DOCK5: variants seen among roughly 807,000 people sequenced by gnomAD.
The protein encoded by DOCK5 is dedicator of cytokinesis 5, also known as dedicator of cytokinesis protein 5.
Under a neutral mutation model 251.8 loss-of-function variants are expected in DOCK5, and 142 were observed. The observed-to-expected ratio is 0.56, with a 90% CI of 0.49 to 0.65. The LOEUF (loss-of-function observed/expected upper bound fraction) is 0.65. Ranked by LOEUF, DOCK5 falls within the 30% of genes least tolerant of loss-of-function variation. The pLI, the probability that DOCK5 is intolerant of heterozygous loss-of-function variation, is 0.00. For synonymous variants in DOCK5, 842 were observed against 835.5 expected, an observed-to-expected ratio of 1.01 and a Z score of -0.13; for missense variants, 2,111 against 2,312.3, an observed-to-expected ratio of 0.91 and a Z score of 1.79.
intron 1 of DOCK5, among the ~76,000 whole-genome samples, chr8:25,197,750 A>ATTTT (rs71214555): frequency 4.1e-4 from 39 of 95,770 alleles, no homozygotes; most frequent in African/African-American, 1.3e-3. Flanking sequence ...TGCCAAGCTA[A>ATTTT]TTTTTTTTTT....
At chr8:25,228,134 C>T (rs1459670800) in intron 1 of DOCK5, among the ~76,000 whole-genome samples, 1 of 152,166 alleles carries the variant, frequency 6.6e-6, no homozygotes, top group Non-Finnish European at 1.5e-5. Context: ...GCCTTGGCCT[C>T]CCAAAGTGCT....
At chr8:25,281,236 G>A (rs935457873) in intron 5 of DOCK5, among the ~76,000 whole-genome samples, 2 of 151,384 alleles carry the variant, frequency 1.3e-5, no homozygotes, top group Admixed American at 6.6e-5. Context: ...AAACCAGCCC[G>A]TCCCAATATG....
chr8:25,392,837 C>G lies in DOCK5; in HGVS notation c.4482C>G (p.Thr1494=). ...GGACCACGTATACGACTGCATATAC[C>G]TTTCCTGGGATTCTCAAGTGGTTTG... is the stretch of plus-strand genomic sequence containing the variant. ...IERTTYTTAY[T]FPGILKWFEV... is the part of the protein sequence containing the mutation. The change falls in exon 44 of 52, where the codon ACC becomes ACG. Residue 1494 remains threonine, a synonymous_variant. Coordinates refer to ENST00000276440, the MANE Select transcript of DOCK5 (RefSeq NM_024940.8). 6.2e-7 allele frequency: 1 copy of G among 1,613,248 alleles called. No individual in the cohort carries two copies. The highest frequency in any genetic ancestry group is 8.5e-7 in the Non-Finnish European group (1 of 1,179,646).
intron 18 of DOCK5, among the ~76,000 whole-genome samples, chr8:25,331,799 TATAGAGAGAGAGAGAGAGAG>T (rs1805688399): frequency 6.1e-5 from 3 of 48,988 alleles, no homozygotes; most frequent in African/African-American, 1.6e-4. Context: ...TATATATATA[TATAGAGAGAGAGAGAGAGAG>T]AGAGAGAGAG....
chr8:25,228,363 G>A (rs895417459), intron 1 of DOCK5, among the ~76,000 whole-genome samples: 2 of 152,200 alleles, frequency 1.3e-5, no homozygotes, highest in African/African-American at 2.4e-5. Context: ...TAACCTGGGA[G>A]GGTTCTTGGC....
At chr8:25,193,558 T>C (rs1801640011) in intron 1 of DOCK5, among the ~76,000 whole-genome samples, 1 of 151,664 alleles carries the variant, frequency 6.6e-6, no homozygotes, top group Non-Finnish European at 1.5e-5. Flanking sequence ...CCCAGGAGTT[T>C]GAAACCAGCC....
rs762745716 is a variant in DOCK5, at chr8:25,334,076, C to A, written c.2092-20C>A. 1 of 1,592,744 alleles carries A rather than the reference C, an allele frequency of 6.3e-7. No individual in the cohort carries two copies. Among genetic ancestry groups the A allele is most frequent in the South Asian group, 1.1e-5 (1 of 90,612 alleles). On this transcript the variant is annotated intron_variant, in intron 20 of 51. Coordinates refer to ENST00000276440, the MANE Select transcript of DOCK5 (RefSeq NM_024940.8). ...TTGGGATTGTGCAGTGCTGCTATTT[C>A]TATTTTTCACTTTTGGCAGGTATTT...
chr8:25,265,828 T>C (rs1368413415), intron 2 of DOCK5, among the ~76,000 whole-genome samples: 3 of 151,914 alleles, frequency 2.0e-5, no homozygotes, highest in Admixed American at 2.0e-4. Flanking sequence ...GAGTCCTGAC[T>C]GATGGAGATT....
chr8:25,239,812 A>G (rs2117538410), intron 1 of DOCK5, among the ~76,000 whole-genome samples: 1 of 152,314 alleles, frequency 6.6e-6, no homozygotes, highest in African/African-American at 2.4e-5. Context: ...AGCCTAGTCC[A>G]TAAGCTCAAT....
chr8:25,351,942 C>T, intron 27 of DOCK5, 116 bp downstream of exon 27: 1 of 712,312 alleles, frequency 1.4e-6, no homozygotes, highest in South Asian at 1.7e-5. Context: ...CCTCTCACAT[C>T]ATGGGTCATT....
chr8:25,362,462 CTTTTT>C lies in DOCK5; in HGVS notation c.2950-567_2950-563del, dbSNP rs869096662. ...TTTTTCTTTTCTTTTCTTTTCTTTT[CTTTTT>C]TTTTTTTTTTTTTTTTTGAGATAGA... On this transcript the variant is annotated intron_variant, in intron 28 of 51. Coordinates refer to ENST00000276440, the MANE Select transcript of DOCK5 (RefSeq NM_024940.8). Among the ~76,000 whole-genome samples the C allele has an allele frequency of 9.7e-4, 53 of 54,640 alleles. No individual in the cohort carries two copies. The South Asian group carries it at 0.02, about 21-fold the overall frequency. The allele number at this position is 54,640 out of a possible 152,430, so 35.8% of individuals were successfully genotyped here.
chr8:25,236,513 T>G (rs559040119), intron 1 of DOCK5, among the ~76,000 whole-genome samples: 1 of 152,310 alleles, frequency 6.6e-6, no homozygotes, highest in Admixed American at 6.5e-5. Context: ...GCCTCTTTAG[T>G]TTTTATAGAA....
At chr8:25,349,249 G>A (rs1800424541) in intron 26 of DOCK5, among the ~76,000 whole-genome samples, 1 of 152,294 alleles carries the variant, frequency 6.6e-6, no homozygotes, top group African/African-American at 2.4e-5. Context: ...TTGTTACACT[G>A]CTGGGGGAAT....
chr8:25,230,656 G>C lies in DOCK5; in HGVS notation c.44-13018G>C, dbSNP rs991893113. Among the ~76,000 whole-genome samples, 35 of 152,074 alleles carry C rather than the reference G, an allele frequency of 2.3e-4. No homozygotes were observed. In the East Asian group the frequency reaches 6.4e-3, roughly 28 times the overall value. ...GCTTGAGCCCAGGAGTTTGAGACCA[G>C]CCTGGCCAACATGGTGAAACCTTGT... On this transcript the variant is annotated intron_variant, in intron 1 of 51. Coordinates refer to ENST00000276440, the MANE Select transcript of DOCK5 (RefSeq NM_024940.8).
chr8:25,302,419 A>T lies in DOCK5; in HGVS notation c.941A>T (p.His314Leu). ...GHMELKEGKK[H>L]TCGLRRPFGV... ...ATGGAGCTGAAGGAAGGCAAGAAGC[A>T]CACCTGTGGACTCCGAAGACCTTTT... is the stretch of plus-strand genomic sequence containing the variant. Residue 314 changes from histidine (H) to leucine (L), a missense_variant, in exon 10 of 52, where the codon CAC (histidine) becomes CTC (leucine). Around this residue, in one of 3 missense-constraint regions of DOCK5, gnomAD observed 59 missense variants for 95.0 expected, o/e 0.62. Coordinates refer to ENST00000276440, the MANE Select transcript of DOCK5 (RefSeq NM_024940.8). 6.3e-7 allele frequency: 1 copy of T among 1,591,520 alleles called. No homozygotes were observed. Among genetic ancestry groups the T allele is most frequent in the Non-Finnish European group, 8.6e-7 (1 of 1,168,984 alleles).
At position 25,408,870 on chromosome 8, in the gene DOCK5, C is replaced by T. The variant is rs746012006; in HGVS notation, c.5334C>T (p.His1778=). The part of the protein sequence containing the change: ...QLMDNRLSPF[H]GSSPPQSTPL... ...TGGATAATCGGCTATCACCATTTCACGGTTCTTCACCTCCTCAGTCAACAC... is the reference window on the plus strand; with the variant it reads ...TGGATAATCGGCTATCACCATTTCATGGTTCTTCACCTCCTCAGTCAACAC... The change falls in exon 50 of 52, where the codon CAC becomes CAT. Residue 1778 remains histidine, a synonymous_variant. Coordinates refer to ENST00000276440, the MANE Select transcript of DOCK5 (RefSeq NM_024940.8). 8.1e-6 allele frequency: 13 copies of T among 1,613,874 alleles called. No homozygotes were observed. The highest frequency in any genetic ancestry group is 5.3e-5 in the African/African-American group (4 of 74,922).
chr8:25,195,677 A>C (rs114587584), intron 1 of DOCK5, among the ~76,000 whole-genome samples: 99 of 152,276 alleles, frequency 6.5e-4, no homozygotes, highest in African/African-American at 2.3e-3. Context: ...TCTTCCTTCA[A>C]ATAATCCCTG....
At chr8:25,395,258 A>G (rs1257765077) in intron 44 of DOCK5, among the ~76,000 whole-genome samples, 1 of 152,138 alleles carries the variant, frequency 6.6e-6, no homozygotes, top group Non-Finnish European at 1.5e-5. Context: ...GGCAGAGCTC[A>G]GGTTGTAATG....
intron 22 of DOCK5, among the ~76,000 whole-genome samples, chr8:25,337,399 A>G (rs562573465): frequency 6.6e-6 from 1 of 152,158 alleles, no homozygotes; most frequent in Non-Finnish European, 1.5e-5. Context: ...CTGAATAAAA[A>G]CAAAAAAGAA....
Sources: gnomAD v4.1 joint callset for allele counts (sites outside exome capture counted in the v4.1 genomes callset) on GRCh38, gnomAD v4.1.1 for gene constraint, gnomAD v4.1.1 regional missense constraint, MANE v1.5 for transcripts, NCBI Gene and HGNC (gene_info 2026-07-23, HGNC 2026-07-21) for gene names.